Variants in SMOC2 observed in about 807,000 individuals in gnomAD.
The protein encoded by SMOC2 is SPARC related modular calcium binding 2, also known as SPARC-related modular calcium-binding protein 2.
A neutral mutation model predicts 61.4 loss-of-function variants in SMOC2; 39 were observed. The observed-to-expected ratio is 0.64, with a 90% CI of 0.49 to 0.83. The LOEUF (loss-of-function observed/expected upper bound fraction) is 0.83. SMOC2 is among the 40% of genes least tolerant of loss of function. The pLI is 0.00. For missense variants in SMOC2, 556 were observed against 592.9 expected (o/e 0.94, Z 0.65); for synonymous variants, 247 against 239.9 (o/e 1.03, Z -0.27).
At chr6:168,517,462 C>A (rs1334626315) in intron 2 of SMOC2, among the ~76,000 whole-genome samples, 1 of 152,236 alleles carries the variant, frequency 6.6e-6, no homozygotes, top group Non-Finnish European at 1.5e-5. Flanking sequence ...AGGTGCAGCT[C>A]CTTCCACTTC....
chr6:168,562,378 A>AGTG (rs1562349469), intron 7 of SMOC2, among the ~76,000 whole-genome samples: 2 of 28,134 alleles, frequency 7.1e-5, no homozygotes, highest in African/African-American at 1.5e-4. Flanking sequence ...CCTGAGACAC[A>AGTG]AGGCTCTCAC....
At chr6:168,638,427 G>A (rs1274915765) in intron 9 of SMOC2, among the ~76,000 whole-genome samples, 2 of 152,130 alleles carry the variant, frequency 1.3e-5, no homozygotes, top group Admixed American at 6.5e-5. Context: ...CATGTTTCTC[G>A]TGACGGGGTA....
At chr6:168,615,661 G>T (rs1204934210) in intron 9 of SMOC2, among the ~76,000 whole-genome samples, 5 of 2,302 alleles carry the variant, frequency 2.2e-3, no homozygotes, top group African/African-American at 7.0e-3. Flanking sequence ...AGCCAGCACA[G>T]GGGGCCTCTT....
In SMOC2 at chr6:168,515,268, C is replaced by T. The variant is rs999519915; in HGVS notation, c.256+5182C>T. On this transcript the variant is annotated intron_variant, in intron 2 of 12. Coordinates refer to ENST00000356284, the MANE Select transcript of SMOC2 (RefSeq NM_001166412.2). ...ATCTAAAGGATTCTGTTGGAAAGAA[C>T]GCACAGACACCTGTAGTCTTCAGAA... 2.0e-4 allele frequency among the ~76,000 whole-genome samples: 31 copies of T among 152,140 alleles called. 1 individual carries two copies. The highest frequency in any genetic ancestry group is 6.3e-4 in the African/African-American group (26 of 41,422).
rs1382297456 is a variant in SMOC2, at chr6:168,475,718, A to C, written c.85-34197A>C. On this transcript the variant is annotated intron_variant, in intron 1 of 12. Transcript: ENST00000356284. The surrounding 1 kb of genome is among the most constrained non-coding windows in gnomAD (Gnocchi z 4.6). ...GTGTGAGACCTGGTGTGGGTCGAGG[A>C]CACTGCTCGGCGTTAGAAGAAGAAG... 6.6e-6 allele frequency among the ~76,000 whole-genome samples: 1 copy of C among 151,512 alleles called. No individual in the cohort carries two copies.
chr6:168,633,854 A>G (rs1786637879), intron 9 of SMOC2, among the ~76,000 whole-genome samples: 1 of 152,154 alleles, frequency 6.6e-6, no homozygotes. Context: ...CATAATCCCC[A>G]TGTGTCGTGA....
chr6:168,659,720 G>A (rs1290737382), intron 11 of SMOC2, among the ~76,000 whole-genome samples: 9,275 of 110,022 alleles, frequency 0.084, no homozygotes, highest in Admixed American at 0.096. Context: ...TAGGCTGAGT[G>A]AGGGTGGAGG....
intron 7 of SMOC2, among the ~76,000 whole-genome samples, chr6:168,556,049 A>G (rs1167610459): frequency 6.6e-6 from 1 of 152,130 alleles, no homozygotes; most frequent in Non-Finnish European, 1.5e-5. Context: ...GCCTCGGGCC[A>G]TGCGGGTCTC....
intron 1 of SMOC2, among the ~76,000 whole-genome samples, chr6:168,460,455 TCTTA>T (rs1382077355): frequency 2.0e-5 from 3 of 152,222 alleles, no homozygotes; most frequent in Admixed American, 6.5e-5. Context: ...TTTACGTCTG[TCTTA>T]CTTAATAATA....
At chr6:168,529,511 C>A (rs942282221) in intron 4 of SMOC2, among the ~76,000 whole-genome samples, 1 of 152,192 alleles carries the variant, frequency 6.6e-6, no homozygotes, top group Admixed American at 6.5e-5. Flanking sequence ...TAGTATATTC[C>A]GCAGGTCTAC....
intron 1 of SMOC2, among the ~76,000 whole-genome samples, chr6:168,456,342 G>T (rs1781586356): frequency 6.6e-6 from 1 of 152,236 alleles, no homozygotes; most frequent in Non-Finnish European, 1.5e-5. Flanking sequence ...TGGAGGGGCT[G>T]CAGGGCTGGC....
At chr6:168,528,850 G>A (rs936625538) in intron 4 of SMOC2, among the ~76,000 whole-genome samples, 4 of 152,232 alleles carry the variant, frequency 2.6e-5, no homozygotes, top group Admixed American at 2.0e-4. Context: ...ACTCATGGAG[G>A]AAATGAAACA....
intron 1 of SMOC2, among the ~76,000 whole-genome samples, chr6:168,474,764 G>A (rs914747656): frequency 2.0e-5 from 3 of 152,218 alleles, no homozygotes; most frequent in Admixed American, 6.5e-5. Flanking sequence ...GGTAGGACAC[G>A]ACAGTTATTG....
chr6:168,652,857 A>G, intron 10 of SMOC2, 97 bp from the exon 11 acceptor site: 1 of 1,124,094 alleles, frequency 8.9e-7, no homozygotes, highest in Non-Finnish European at 1.3e-6. Context: ...GACCATGAGA[A>G]CTACAAGCAG....
At chr6:168,522,132 TATA>T (rs1358838448) in intron 2 of SMOC2, among the ~76,000 whole-genome samples, 3 of 152,216 alleles carry the variant, frequency 2.0e-5, no homozygotes, top group Non-Finnish European at 4.4e-5. Flanking sequence ...ATTATAGTAA[TATA>T]ATACTATGAG....
intron 4 of SMOC2, among the ~76,000 whole-genome samples, chr6:168,530,746 C>T (rs983547867): frequency 6.6e-6 from 1 of 151,104 alleles, no homozygotes; most frequent in Admixed American, 6.6e-5. Context: ...ACTGGTACTG[C>T]CCTTTGCAAC....
At chr6:168,598,686 G>A (rs1785390919) in intron 7 of SMOC2, 132 bp from the exon 8 acceptor site, 1 of 1,024,788 alleles carries the variant, frequency 9.8e-7, no homozygotes, top group Non-Finnish European at 1.5e-6. Context: ...CCCCCACGCT[G>A]GCAGGCCCTC....
At chr6:168,622,513 T>G (rs1583167674) in intron 9 of SMOC2, among the ~76,000 whole-genome samples, 1 of 151,986 alleles carries the variant, frequency 6.6e-6, no homozygotes, top group Non-Finnish European at 1.5e-5. Context: ...CATTACTCTT[T>G]ATTGTTTAGA....
At position 168,649,655 on chromosome 6, in the gene SMOC2, G is replaced by A. The variant is rs910795864; in HGVS notation, c.908-1026G>A. Among the ~76,000 whole-genome samples the A allele has an allele frequency of 2.6e-5, 4 of 152,280 alleles. No individual in the cohort carries two copies. In the South Asian group the frequency reaches 8.3e-4, roughly 32 times the overall value. On this transcript the variant is annotated intron_variant, in intron 9 of 12. Coordinates refer to ENST00000356284, the MANE Select transcript of SMOC2 (RefSeq NM_001166412.2). Reference sequence around the variant, plus strand: ...GACCCAGTTGGAATCGGCAAATTTTGCTCCCTGCTTGTGAAGCTCTTAAAC... The same window carrying A: ...GACCCAGTTGGAATCGGCAAATTTTACTCCCTGCTTGTGAAGCTCTTAAAC...
Sources: allele counts gnomAD v4.1 joint callset (sites outside exome capture counted in the v4.1 genomes callset), GRCh38; gene constraint gnomAD v4.1.1; non-coding constraint Gnocchi (gnomAD v3.1); transcripts MANE v1.5; gene names NCBI Gene and HGNC (gene_info 2026-07-23, HGNC 2026-07-21).